The following MAP2K5 variants were observed in gnomAD, a reference collection of about 807,000 sequenced individuals.
MAP2K5 encodes the protein dual specificity mitogen-activated protein kinase kinase 5.
MAP2K5 carries 49 observed loss-of-function variants against 83.1 expected under a neutral mutation model. The ratio of observed to expected loss-of-function variants is 0.59; its 90% CI spans 0.47 to 0.75. The LOEUF (loss-of-function observed/expected upper bound fraction) is 0.75, where lower values mean the gene tolerates loss of function less well. Ranked by LOEUF, MAP2K5 falls within the 30% of genes least tolerant of loss-of-function variation. MAP2K5 has a pLI of 0.00. For missense variants in MAP2K5, 457 were observed against 557.5 expected, an observed-to-expected ratio of 0.82 and a Z score of 1.82; for synonymous variants, 202 against 191.8, an observed-to-expected ratio of 1.05 and a Z score of -0.44.
chr15:67,715,799 CA>C (rs1419236908), intron 16 of MAP2K5, among the ~76,000 whole-genome samples: 1 of 151,884 alleles, frequency 6.6e-6, no homozygotes, highest in Non-Finnish European at 1.5e-5. Context: ...AAACAAAAGC[CA>C]AAAAAATAAT....
intron 3 of MAP2K5, among the ~76,000 whole-genome samples, chr15:67,579,751 G>A (rs987638139): frequency 2.6e-5 from 4 of 151,766 alleles, no homozygotes; most frequent in Non-Finnish European, 5.9e-5. Flanking sequence ...AAAGCAATAG[G>A]AAGATATATG....
intron 8 of MAP2K5, among the ~76,000 whole-genome samples, chr15:67,618,633 A>T (rs1017065881): frequency 6.6e-6 from 1 of 152,144 alleles, no homozygotes; most frequent in African/African-American, 2.4e-5. Flanking sequence ...CCATCTCCGT[A>T]ATTGGAAACT....
chr15:67,666,054 C>A (rs1341056700), intron 13 of MAP2K5, among the ~76,000 whole-genome samples: 1 of 152,122 alleles, frequency 6.6e-6, no homozygotes, highest in Non-Finnish European at 1.5e-5. Context: ...GGACATCTAT[C>A]CATTTGACAA....
At chr15:67,553,238 GC>G (rs1201263718) in intron 2 of MAP2K5, among the ~76,000 whole-genome samples, 2 of 152,132 alleles carry the variant, frequency 1.3e-5, no homozygotes, top group African/African-American at 4.8e-5. Flanking sequence ...GAACGGTGAA[GC>G]CCAGGTTCAA....
chr15:67,620,173 C>A (rs1235679232), intron 8 of MAP2K5, among the ~76,000 whole-genome samples: 1 of 152,170 alleles, frequency 6.6e-6, no homozygotes, highest in African/African-American at 2.4e-5. Context: ...GAGTTCGAGA[C>A]CAGCTTGACC....
At chr15:67,655,692 ATCT>A (rs2043077384) in intron 11 of MAP2K5, among the ~76,000 whole-genome samples, 1 of 152,122 alleles carries the variant, frequency 6.6e-6, no homozygotes, top group Non-Finnish European at 1.5e-5. Flanking sequence ...ATAGATGTAG[ATCT>A]CTTTGAGTTT....
Position 67,642,470 on chromosome 15 carries a change from G to T in MAP2K5, c.586-3761G>T, listed in dbSNP as rs776940835. 10 of 1,606,904 alleles carry T rather than the reference G, an allele frequency of 6.2e-6. No individual in the cohort carries two copies. The Admixed American group carries it at 8.3e-5, about 13-fold the overall frequency. ...ATGTACATATTGAGGGCCAGAGCTA[G>T]AGATGAATTTTGATGGAGGACTTTG... On this transcript the variant is annotated intron_variant, in intron 9 of 21. Transcript: ENST00000178640.
At chr15:67,711,132 C>T (rs1226854180) in intron 16 of MAP2K5, among the ~76,000 whole-genome samples, 1 of 152,248 alleles carries the variant, frequency 6.6e-6, no homozygotes, top group African/African-American at 2.4e-5. Context: ...ATGATTCTCT[C>T]ATAATCTTCT....
At chr15:67,763,117 G>A (rs2141292021) in intron 19 of MAP2K5, among the ~76,000 whole-genome samples, 1 of 152,230 alleles carries the variant, frequency 6.6e-6, no homozygotes, top group East Asian at 1.9e-4. Context: ...GCTGAGCGGA[G>A]TTAGAGGCTT....
intron 7 of MAP2K5, among the ~76,000 whole-genome samples, chr15:67,600,261 C>T (rs1327406356): frequency 6.6e-6 from 1 of 152,054 alleles, no homozygotes; most frequent in Non-Finnish European, 1.5e-5. Flanking sequence ...TTTTCTAGGG[C>T]TGATTTATTT....
intron 16 of MAP2K5, chr15:67,718,222 A>G (rs917720001): frequency 6.6e-6 from 1 of 152,144 alleles, no homozygotes; most frequent in African/African-American, 2.4e-5. Context: ...CCCAGCCCTG[A>G]TGTTTTCTCA....
intron 9 of MAP2K5, among the ~76,000 whole-genome samples, chr15:67,633,113 G>A (rs564210532): frequency 1.1e-3 from 167 of 152,306 alleles, no homozygotes; most frequent in Non-Finnish European, 2.2e-3. Flanking sequence ...CTCACCGAGC[G>A]CGGCCCAGTC....
Position 67,652,280 on chromosome 15 carries a change from G to A in MAP2K5, c.736+5811G>A, listed in dbSNP as rs116790337. Among the ~76,000 whole-genome samples, 891 of 152,080 alleles carry A rather than the reference G, an allele frequency of 5.9e-3. 5 individuals are homozygous for A. The highest frequency in any genetic ancestry group is 0.021 in the African/African-American group (858 of 41,468). ...TCATACAAAAATTTTAACCTTATTA[G>A]CCATGATATTAGTCCATCTTGTGTT... On this transcript the variant is annotated intron_variant, in intron 11 of 21. Coordinates refer to ENST00000178640, the MANE Select transcript of MAP2K5 (RefSeq NM_145160.3). The surrounding 1 kb of genome is among the most constrained non-coding windows in gnomAD (Gnocchi z 4.2).
chr15:67,791,444 A>C (rs181091134), intron 21 of MAP2K5, among the ~76,000 whole-genome samples: 1 of 152,342 alleles, frequency 6.6e-6, no homozygotes, highest in East Asian at 1.9e-4. Flanking sequence ...TTACCATCTT[A>C]GAGTGCAGTG....
At chr15:67,713,400 A>T (rs1354739131) in intron 16 of MAP2K5, among the ~76,000 whole-genome samples, 1 of 152,254 alleles carries the variant, frequency 6.6e-6, no homozygotes, top group African/African-American at 2.4e-5. Flanking sequence ...AAGTAAACAC[A>T]TAAACCATGT....
In MAP2K5 at chr15:67,577,797, T is replaced by C. The variant is rs1376960392; in HGVS notation, c.253-2957T>C. On this transcript the variant is annotated intron_variant, in intron 3 of 21. Transcript: ENST00000178640. The surrounding 1 kb of genome is among the most constrained non-coding windows in gnomAD (Gnocchi z 4.1). The stretch of plus-strand genomic sequence containing the variant: ...AGGTGGATCACCTGAGGTCAGGAGT[T>C]TGAGACCAGCCTGGCCAACATGGTG... 3.3e-5 allele frequency among the ~76,000 whole-genome samples: 5 copies of C among 152,140 alleles called. No homozygotes were observed. Among genetic ancestry groups the C allele is most frequent in the African/African-American group, 1.2e-4 (5 of 41,432 alleles).
At chr15:67,776,584 A>G (rs2090243115) in intron 21 of MAP2K5, among the ~76,000 whole-genome samples, 1 of 152,218 alleles carries the variant, frequency 6.6e-6, no homozygotes, top group African/African-American at 2.4e-5. Flanking sequence ...CAAAAACATA[A>G]AAATCAGACC....
At chr15:67,607,754 A>G (rs1213327766) in intron 8 of MAP2K5, among the ~76,000 whole-genome samples, 1 of 152,056 alleles carries the variant, frequency 6.6e-6, no homozygotes, top group Admixed American at 6.5e-5. Context: ...TTTCTGTTTT[A>G]TAGCCTTTAT....
chr15:67,594,231 G>T (rs12595261), intron 7 of MAP2K5, among the ~76,000 whole-genome samples: 4 of 152,106 alleles, frequency 2.6e-5, no homozygotes, highest in African/African-American at 4.8e-5. Flanking sequence ...TTAACTTTCA[G>T]CAGCCAAAGG....
Sources: gnomAD v4.1 joint callset for allele counts (sites outside exome capture counted in the v4.1 genomes callset) on GRCh38, gnomAD v4.1.1 for gene constraint, Gnocchi (gnomAD v3.1) non-coding constraint, MANE v1.5 for transcripts, NCBI Gene and HGNC (gene_info 2026-07-23, HGNC 2026-07-21) for gene names.